The following POLR3B variants were observed in gnomAD, a reference collection of about 807,000 sequenced individuals.
The protein encoded by POLR3B is RNA polymerase III subunit B.
In POLR3B, 96 loss-of-function variants were observed where a neutral mutation model predicts 147.4. The observed-to-expected ratio is 0.65, with a 90% confidence interval of 0.55 to 0.77. The LOEUF (loss-of-function observed/expected upper bound fraction) is 0.77. POLR3B is among the 30% of genes least tolerant of loss of function. POLR3B has a pLI of 0.00. For missense variants in POLR3B, 1,036 were observed against 1,413.5 expected (o/e 0.73, Z 4.28); for synonymous variants, 461 against 485.9 (o/e 0.95, Z 0.67).
chr12:106,417,434 A>G (rs1380411140), intron 12 of POLR3B, among the ~76,000 whole-genome samples: 3 of 152,170 alleles, frequency 2.0e-5, no homozygotes, highest in Admixed American at 1.3e-4. Flanking sequence ...ATGCAGCAGA[A>G]GACCATTGAA....
chr12:106,368,758 T>C (rs144082810), intron 4 of POLR3B, among the ~76,000 whole-genome samples: 2 of 152,238 alleles, frequency 1.3e-5, no homozygotes, highest in South Asian at 2.1e-4. Context: ...GAGTTAGACT[T>C]GCACAAAAAA....
intron 23 of POLR3B, 32 bp downstream of exon 23, chr12:106,463,652 A>C: frequency 6.3e-7 from 1 of 1,579,950 alleles, no homozygotes; most frequent in Non-Finnish European, 8.7e-7. Flanking sequence ...CTTGATTATA[A>C]AACAATATAT....
At chr12:106,388,424 T>A (rs2036869456) in intron 9 of POLR3B, among the ~76,000 whole-genome samples, 1 of 152,160 alleles carries the variant, frequency 6.6e-6, no homozygotes, top group Non-Finnish European at 1.5e-5. Flanking sequence ...TTCAAGCGAT[T>A]CTTCTGCCTC....
At chr12:106,418,563 A>G (rs2037335577) in intron 12 of POLR3B, among the ~76,000 whole-genome samples, 1 of 152,212 alleles carries the variant, frequency 6.6e-6, no homozygotes, top group African/African-American at 2.4e-5. Context: ...GTGAAACTGT[A>G]TTTCAGCAGC....
chr12:106,382,806 A>G (rs746575998), intron 9 of POLR3B, among the ~76,000 whole-genome samples: 1 of 152,222 alleles, frequency 6.6e-6, no homozygotes, highest in African/African-American at 2.4e-5. Context: ...GGAATGTTAA[A>G]TGAGCACTGA....
intron 18 of POLR3B, among the ~76,000 whole-genome samples, chr12:106,444,069 C>T (rs1362761319): frequency 6.6e-6 from 1 of 152,180 alleles, no homozygotes; most frequent in South Asian, 2.1e-4. Flanking sequence ...GATCCACCTG[C>T]CTCGGCCTCT....
rs147457953 is a variant in POLR3B at position 106,380,411 on chromosome 12, CAAAAAAAA to C, written c.723+288_723+295del. Among the ~76,000 whole-genome samples the C allele has an allele frequency of 6.8e-4, 67 of 99,002 alleles. 1 individual carries two copies. In the East Asian group the frequency reaches 0.015, roughly 22 times the overall value. The allele number at this position is 99,002 out of a possible 152,430, so 64.9% of individuals were successfully genotyped here. The stretch of plus-strand genomic sequence containing the variant: ...CAACATGGTGAAACCCCATCTCTAC[CAAAAAAAA>C]AAAAAAAAAAAAAAATAGCTGAGTG... On this transcript the variant is annotated intron_variant, in intron 9 of 27. Coordinates refer to ENST00000228347, the MANE Select transcript of POLR3B (RefSeq NM_018082.6).
At chr12:106,422,689 T>C (rs982609414) in intron 12 of POLR3B, among the ~76,000 whole-genome samples, 2 of 152,200 alleles carry the variant, frequency 1.3e-5, no homozygotes, top group African/African-American at 2.4e-5. Flanking sequence ...TTATTGTATG[T>C]GCAGATCTTT....
At chr12:106,490,990 T>C (rs1278675692) in intron 23 of POLR3B, among the ~76,000 whole-genome samples, 1 of 152,234 alleles carries the variant, frequency 6.6e-6, no homozygotes, top group Admixed American at 6.5e-5. Context: ...CAGGAAGGAA[T>C]GAGCTGCTTT....
chr12:106,430,199 T>C, intron 13 of POLR3B, 74 bp from the exon 14 acceptor site: 1 of 1,119,504 alleles, frequency 8.9e-7, no homozygotes, highest in Non-Finnish European at 1.4e-6. Context: ...AATGAACTTC[T>C]TGGAGTGACC....
chr12:106,444,698 A>C (rs962933216), intron 19 of POLR3B, 108 bp downstream of exon 19: 2 of 1,183,034 alleles, frequency 1.7e-6, no homozygotes, highest in African/African-American at 3.0e-5. Flanking sequence ...CCAACCAGGC[A>C]CTGGGAACAC....
At chr12:106,461,098 C>CT (rs1013073572) in intron 22 of POLR3B, among the ~76,000 whole-genome samples, 179 of 146,448 alleles carry the variant, frequency 1.2e-3, no homozygotes, top group East Asian at 0.011. Flanking sequence ...TCAAGAAATA[C>CT]TTTTTTTTTT....
chr12:106,410,699 G>A, intron 11 of POLR3B, 127 bp from the exon 12 acceptor site: 1 of 840,654 alleles, frequency 1.2e-6, no homozygotes, highest in Non-Finnish European at 1.9e-6. Flanking sequence ...GAATTTATTT[G>A]AATGGAGAGA....
At chr12:106,412,181 T>C (rs1192493826) in intron 12 of POLR3B, among the ~76,000 whole-genome samples, 2 of 152,200 alleles carry the variant, frequency 1.3e-5, no homozygotes, top group African/African-American at 4.8e-5. Flanking sequence ...GGCTCTGAAT[T>C]CTGCTGTATT....
intron 23 of POLR3B, among the ~76,000 whole-genome samples, chr12:106,490,045 A>G (rs1041727355): frequency 6.6e-6 from 1 of 152,212 alleles, no homozygotes; most frequent in Non-Finnish European, 1.5e-5. Flanking sequence ...CCACACAGAT[A>G]CCTTATTGGA....
At chr12:106,436,672 G>A (rs2037580729) in intron 16 of POLR3B, among the ~76,000 whole-genome samples, 1 of 152,148 alleles carries the variant, frequency 6.6e-6, no homozygotes, top group Non-Finnish European at 1.5e-5. Flanking sequence ...GAAGTTTTTA[G>A]ATTGATACAT....
chr12:106,496,002 T>C, intron 23 of POLR3B, 53 bp from the exon 24 acceptor site: 2 of 1,039,056 alleles, frequency 1.9e-6, no homozygotes, highest in Non-Finnish European at 3.1e-6. Flanking sequence ...AAGTACTGTA[T>C]TCTTCCTTTC....
intron 10 of POLR3B, among the ~76,000 whole-genome samples, chr12:106,397,117 C>T (rs1298836916): frequency 2.7e-5 from 4 of 149,644 alleles, no homozygotes; most frequent in Admixed American, 6.6e-5. Flanking sequence ...AGAGTGAGAC[C>T]CTGTCTCAAA....
chr12:106,509,275 A>G (rs1215078038), intron 27 of POLR3B, 145 bp from the exon 28 acceptor site: 2 of 832,036 alleles, frequency 2.4e-6, no homozygotes, highest in African/African-American at 3.4e-5. Context: ...ACGTACTTAT[A>G]TGATAGTGCA....
Sources: allele counts gnomAD v4.1 joint callset (sites outside exome capture counted in the v4.1 genomes callset), GRCh38; gene constraint gnomAD v4.1.1; transcripts MANE v1.5; gene names NCBI Gene and HGNC (gene_info 2026-07-23, HGNC 2026-07-21).